TMOD1: variants seen among roughly 807,000 people sequenced by gnomAD.
TMOD1 encodes the protein tropomodulin 1.
A neutral mutation model predicts 40.6 loss-of-function variants in TMOD1; 17 were observed. That is an observed-to-expected ratio of 0.42 (90% confidence interval 0.29 to 0.63). The LOEUF is 0.63. Ranked by LOEUF, TMOD1 falls within the 20% of genes least tolerant of loss-of-function variation. The probability of loss-of-function intolerance (pLI) is 0.22; values close to 1 mark genes in which losing one functional copy is unlikely to be tolerated. For missense variants in TMOD1, 391 were observed against 447.6 expected, an observed-to-expected ratio of 0.87 and a Z score of 1.14; for synonymous variants, 181 against 175.0, an observed-to-expected ratio of 1.03 and a Z score of -0.27.
chr9:97,567,117 G>A (rs562873857), intron 7 of TMOD1, among the ~76,000 whole-genome samples: 1 of 152,320 alleles, frequency 6.6e-6, no homozygotes, highest in Admixed American at 6.5e-5. Flanking sequence ...TGAAATAATA[G>A]AAATAGCTCA....
chr9:97,576,985 G>A (rs1830954033), intron 8 of TMOD1, among the ~76,000 whole-genome samples: 1 of 152,076 alleles, frequency 6.6e-6, no homozygotes, highest in Non-Finnish European at 1.5e-5. Flanking sequence ...GAATAAATCG[G>A]GTGAGGGAGA....
chr9:97,518,289 A>T (rs1306795308), intron 1 of TMOD1, among the ~76,000 whole-genome samples: 1 of 151,798 alleles, frequency 6.6e-6, no homozygotes, highest in Non-Finnish European at 1.5e-5. Flanking sequence ...GAAGAAAAAA[A>T]CAGGGAAAGG....
intron 4 of TMOD1, among the ~76,000 whole-genome samples, chr9:97,553,605 AGG>A (rs1292593899): frequency 2.6e-5 from 4 of 152,206 alleles, no homozygotes; most frequent in Admixed American, 6.5e-5. Context: ...CCACCACACC[AGG>A]GAGCCATCTG....
At chr9:97,552,813 C>T (rs1055106443) in intron 3 of TMOD1, among the ~76,000 whole-genome samples, 14 of 152,132 alleles carry the variant, frequency 9.2e-5, no homozygotes, top group African/African-American at 2.4e-4. Context: ...CCCCTTATTC[C>T]GTTATGAATC....
In TMOD1 at chr9:97,562,779, G is replaced by A. The variant is rs1364208335; in HGVS notation, c.445G>A (p.Ala149Thr). 1.9e-6 allele frequency: 3 copies of A among 1,585,290 alleles called. No individual in the cohort carries two copies. Among genetic ancestry groups the A allele is most frequent in the African/African-American group, 1.4e-5 (1 of 72,934 alleles). ...CATGAGTAACCAGCAGTACTACCAG[G>A]CCCTGAGCAGCAGCTCCATCATGAA... ...TLMSNQQYYQ[A>T]LSSSSIMNKE... Residue 149 changes from alanine to threonine, a missense_variant, in exon 5 of 10, where the codon GCC becomes ACC. Coordinates refer to ENST00000259365, the MANE Select transcript of TMOD1 (RefSeq NM_003275.4).
intron 9 of TMOD1, among the ~76,000 whole-genome samples, chr9:97,591,844 A>G (rs114372027): frequency 2.4e-4 from 36 of 152,304 alleles, no homozygotes; most frequent in African/African-American, 8.7e-4. Context: ...CTACCTTCCA[A>G]TAGGACTACC....
chr9:97,527,483 G>A (rs769599311), intron 2 of TMOD1, among the ~76,000 whole-genome samples: 7 of 152,200 alleles, frequency 4.6e-5, no homozygotes, highest in Non-Finnish European at 8.8e-5. Context: ...GGTGATACTG[G>A]AACTGAGCTC....
intron 2 of TMOD1, among the ~76,000 whole-genome samples, chr9:97,545,065 G>T (rs1250149520): frequency 6.6e-6 from 1 of 151,166 alleles, no homozygotes; most frequent in African/African-American, 2.4e-5. Flanking sequence ...TAGTCAGTTT[G>T]AGGGTGCATA....
At position 97,591,393 on chromosome 9, in the gene TMOD1, C is replaced by G; in HGVS notation, c.973C>G (p.Arg325Gly). The change falls in exon 9 of 10, where the codon CGG becomes GGG. Residue 325 changes from arginine to glycine, a missense_variant. Coordinates refer to ENST00000259365, the MANE Select transcript of TMOD1 (RefSeq NM_003275.4). The stretch of plus-strand genomic sequence containing the variant: ...CTACCACTTTACCCAGCAAGGACCC[C>G]GGCTTCGGGCATCCAACGCAATGAT... The part of the protein sequence containing the change: ...FGYHFTQQGP[R>G]LRASNAMMNN... 6.2e-7 allele frequency: 1 copy of G among 1,614,196 alleles called. No homozygotes were observed. Among genetic ancestry groups the G allele is most frequent in the Non-Finnish European group, 8.5e-7 (1 of 1,180,038 alleles).
intron 4 of TMOD1, among the ~76,000 whole-genome samples, chr9:97,560,471 G>C (rs993725170): frequency 2.0e-5 from 3 of 151,812 alleles, no homozygotes; most frequent in African/African-American, 7.3e-5. Flanking sequence ...TATTGAATGG[G>C]GCGTACTTAG....
At chr9:97,534,996 T>C (rs1002353807) in intron 2 of TMOD1, among the ~76,000 whole-genome samples, 2 of 152,246 alleles carry the variant, frequency 1.3e-5, no homozygotes, top group South Asian at 4.1e-4. Context: ...CTGTGGAATA[T>C]GGAGCAGCCT....
intron 1 of TMOD1, among the ~76,000 whole-genome samples, chr9:97,508,365 T>G (rs967740801): frequency 5.3e-5 from 8 of 151,936 alleles, no homozygotes; most frequent in African/African-American, 1.2e-4. Context: ...ATTTTTGTAT[T>G]TTTTAGTAGA....
intron 2 of TMOD1, among the ~76,000 whole-genome samples, chr9:97,531,653 G>A (rs540358314): frequency 6.6e-6 from 1 of 152,196 alleles, no homozygotes; most frequent in Non-Finnish European, 1.5e-5. Context: ...ATTGCAGGAC[G>A]AAATATGGAA....
At chr9:97,514,758 G>A (rs561170631) in intron 1 of TMOD1, among the ~76,000 whole-genome samples, 84 of 152,340 alleles carry the variant, frequency 5.5e-4, no homozygotes, top group Non-Finnish European at 1.0e-3. Context: ...TATTGCAGTC[G>A]CTGTGCCAGG....
At chr9:97,546,726 C>G (rs1233432733) in intron 3 of TMOD1, among the ~76,000 whole-genome samples, 1 of 152,026 alleles carries the variant, frequency 6.6e-6, no homozygotes, top group Admixed American at 6.6e-5. Flanking sequence ...GTCAGGAGTT[C>G]AAGACCAGCC....
chr9:97,505,618 C>T (rs1039096297), intron 1 of TMOD1, among the ~76,000 whole-genome samples: 3 of 152,172 alleles, frequency 2.0e-5, no homozygotes, highest in Admixed American at 1.3e-4. Flanking sequence ...CGCACACTCT[C>T]ACAGTCTCAT....
At chr9:97,507,824 A>G (rs375472189) in intron 1 of TMOD1, among the ~76,000 whole-genome samples, 1 of 152,180 alleles carries the variant, frequency 6.6e-6, no homozygotes. Context: ...TAGAAGGAAG[A>G]ACATCAATCA....
At chr9:97,575,008 G>C (rs1428705682) in intron 8 of TMOD1, among the ~76,000 whole-genome samples, 3 of 152,224 alleles carry the variant, frequency 2.0e-5, no homozygotes, top group Non-Finnish European at 4.4e-5. Context: ...GGCCAGATAA[G>C]AGAATAAAAG....
intron 8 of TMOD1, among the ~76,000 whole-genome samples, chr9:97,570,012 G>A (rs1318007623): frequency 6.6e-6 from 1 of 152,068 alleles, no homozygotes; most frequent in Non-Finnish European, 1.5e-5. Flanking sequence ...ATGGGAAAAA[G>A]ATTGGAATGA....
Sources: allele counts gnomAD v4.1 joint callset (sites outside exome capture counted in the v4.1 genomes callset), GRCh38; gene constraint gnomAD v4.1.1; transcripts MANE v1.5; gene names NCBI Gene and HGNC (gene_info 2026-07-23, HGNC 2026-07-21).